Variants in ZFYVE16 observed in about 807,000 individuals in gnomAD.
The protein encoded by ZFYVE16 is zinc finger FYVE-type containing 16, also known as zinc finger FYVE domain-containing protein 16.
In ZFYVE16, 89 loss-of-function variants were observed where a neutral mutation model predicts 138.1. The ratio of observed to expected loss-of-function variants is 0.64; its 90% CI spans 0.54 to 0.77. The LOEUF (loss-of-function observed/expected upper bound fraction) is 0.77, where lower values mean the gene tolerates loss of function less well. ZFYVE16 is among the 30% of genes least tolerant of loss of function. The pLI is 0.00. For synonymous variants in ZFYVE16, 596 were observed against 618.3 expected (o/e 0.96, Z 0.53); for missense variants, 1,793 against 1,786.7 (o/e 1.00, Z -0.06).
chr5:80,426,862 A>G (rs922290200), intron 1 of ZFYVE16, among the ~76,000 whole-genome samples: 1 of 152,080 alleles, frequency 6.6e-6, no homozygotes, highest in East Asian at 1.9e-4. Context: ...GAATCGCTAC[A>G]CTGTCTTTGC....
At chr5:80,470,132 C>T (rs1754217453) in intron 15 of ZFYVE16, among the ~76,000 whole-genome samples, 1 of 116,174 alleles carries the variant, frequency 8.6e-6, no homozygotes, top group African/African-American at 3.2e-5. Flanking sequence ...GACAGAGTCT[C>T]ACCCTTTCAC....
In ZFYVE16 at chr5:80,456,409, T is replaced by C. The variant is rs1053064566; in HGVS notation, c.3691-52T>C. The C allele has an allele frequency of 1.5e-5, 20 of 1,332,416 alleles. No individual in the cohort carries two copies. In the Admixed American group the frequency reaches 3.9e-4, roughly 26 times the overall value. 82.5% of individuals were successfully genotyped at this position (1,332,416 alleles called of 1,614,324 possible). Reference sequence around the variant, plus strand: ...ATTTCTTAAAGAAGGATTTAATGGATAGAAAAATACTCATGGTTAGTAGTT... The same window carrying C: ...ATTTCTTAAAGAAGGATTTAATGGACAGAAAAATACTCATGGTTAGTAGTT... On this transcript the variant is annotated intron_variant, in intron 12 of 18. Transcript: ENST00000505560.
chr5:80,423,502 A>T (rs978708186), intron 1 of ZFYVE16, among the ~76,000 whole-genome samples: 1 of 151,996 alleles, frequency 6.6e-6, no homozygotes, highest in Non-Finnish European at 1.5e-5. Context: ...TTCCTGTTTT[A>T]AATTCCATTG....
At chr5:80,428,233 G>A (rs1748431299) in intron 2 of ZFYVE16, among the ~76,000 whole-genome samples, 1 of 152,238 alleles carries the variant, frequency 6.6e-6, no homozygotes, top group East Asian at 1.9e-4. Context: ...CAACTCACAT[G>A]GCCGGGTACC....
Position 80,434,119 on chromosome 5 carries a change from A to G in ZFYVE16, c.-29A>G. On this transcript the variant is annotated 5_prime_UTR_variant, in exon 3 of 19. Transcript: ENST00000505560. Reference sequence around the variant, plus strand: ...CTTTCTATTTTTTAGGCATACAAGAATTAAATTCTGAATAAGTCTGCAGGT... The same window carrying G: ...CTTTCTATTTTTTAGGCATACAAGAGTTAAATTCTGAATAAGTCTGCAGGT... 1.2e-6 allele frequency: 2 copies of G among 1,602,350 alleles called. No homozygotes were observed. The highest frequency in any genetic ancestry group is 1.7e-6 in the Non-Finnish European group (2 of 1,172,598).
intron 5 of ZFYVE16, chr5:80,441,102 G>A: frequency 2.0e-6 from 2 of 985,358 alleles, no homozygotes; most frequent in South Asian, 4.7e-5. Flanking sequence ...TGCTGTTTCA[G>A]TAGCCTAGAA....
chr5:80,438,703 C>A lies in ZFYVE16; in HGVS notation c.2018C>A (p.Thr673Lys). 6.2e-7 allele frequency: 1 copy of A among 1,614,116 alleles called. No individual in the cohort carries two copies. The highest frequency in any genetic ancestry group is 2.2e-5 in the East Asian group (1 of 44,874). The part of the protein sequence containing the change: ...KDLNKPDVPD[T>K]IESEPSTADT... ...CTGAATAAGCCAGATGTTCCAGATA[C>A]AATAGAAAGTGAACCCAGCACAGCA... Residue 673 changes from threonine to lysine, a missense_variant, in exon 4 of 19, where the codon ACA becomes AAA. Around this residue, in one of 2 missense-constraint regions of ZFYVE16, gnomAD observed 1,295 missense variants for 1,204.3 expected, o/e 1.08. Transcript: ENST00000505560.
Position 80,433,331 on chromosome 5 carries a change from G to A in ZFYVE16, c.-39-778G>A, listed in dbSNP as rs192944603. 3.8e-3 allele frequency among the ~76,000 whole-genome samples: 576 copies of A among 152,252 alleles called. 1 individual carries two copies. The highest frequency in any genetic ancestry group is 0.013 in the African/African-American group (528 of 41,546). The stretch of plus-strand genomic sequence containing the variant: ...AAACCATCATTCTCAGCCAACTATC[G>A]CAAGGACGAAAAACCAAACACCGCA... On this transcript the variant is annotated intron_variant, in intron 2 of 18. Transcript: ENST00000505560.
chr5:80,465,406 T>TTTTTTG (rs1753624220), intron 15 of ZFYVE16, among the ~76,000 whole-genome samples: 1 of 107,292 alleles, frequency 9.3e-6, no homozygotes, highest in African/African-American at 3.4e-5. Context: ...CTTTGTTTTT[T>TTTTTTG]TTTTTTTTTT....
At chr5:80,419,123 G>A (rs1746699979) in intron 1 of ZFYVE16, among the ~76,000 whole-genome samples, 1 of 151,216 alleles carries the variant, frequency 6.6e-6, no homozygotes, top group Non-Finnish European at 1.5e-5. Flanking sequence ...TGTTGCCCAG[G>A]CTACAGTGCA....
At position 80,438,086 on chromosome 5, in the gene ZFYVE16, T is replaced by G. The variant is rs200568061; in HGVS notation, c.1401T>G (p.Ser467=). 13 of 1,613,982 alleles carry G rather than the reference T, an allele frequency of 8.1e-6. No individual in the cohort carries two copies. In the East Asian group the frequency reaches 2.9e-4, roughly 36 times the overall value. Residue 467 remains serine, a synonymous_variant, in exon 4 of 19, where the codon TCT becomes TCG. Transcript: ENST00000505560. ...ACCAGACAGTAATCAGAGCTGAGTC[T>G]TTGGATGGTGGTGACACCAGTTCTA... ...DPDQTVIRAE[S]LDGGDTSSTV... is the part of the protein sequence containing the mutation.
chr5:80,437,836 T>C lies in ZFYVE16; in HGVS notation c.1151T>C (p.Met384Thr). The C allele has an allele frequency of 6.2e-7, 1 of 1,614,080 alleles. No individual in the cohort carries two copies. The highest frequency in any genetic ancestry group is 8.5e-7 in the Non-Finnish European group (1 of 1,179,956). The change falls in exon 4 of 19, where the codon ATG (methionine) becomes ACG (threonine). Residue 384 changes from methionine (M) to threonine (T), a missense_variant. Transcript: ENST00000505560. ...TCCTGTCTTCCTGCGTCTGGGTCTA[T>C]GTGTGGATCATTAATTGAAAGTAAA... is the stretch of plus-strand genomic sequence containing the variant. ...SLSCLPASGSMCGSLIESKAR... is the reference protein window; with the variant it reads ...SLSCLPASGSTCGSLIESKAR...
chr5:80,471,224 C>A (rs1754341734), intron 15 of ZFYVE16, among the ~76,000 whole-genome samples: 1 of 152,122 alleles, frequency 6.6e-6, no homozygotes, highest in South Asian at 2.1e-4. Flanking sequence ...GGCATACTCC[C>A]TTCTGAGAAT....
intron 3 of ZFYVE16, among the ~76,000 whole-genome samples, chr5:80,435,423 C>G (rs1378312282): frequency 6.6e-6 from 1 of 152,232 alleles, no homozygotes; most frequent in Non-Finnish European, 1.5e-5. Context: ...CCTGTCTCAG[C>G]CTCCCAAAGT....
At chr5:80,430,848 A>G (rs1300028326) in intron 2 of ZFYVE16, among the ~76,000 whole-genome samples, 1 of 152,266 alleles carries the variant, frequency 6.6e-6, no homozygotes, top group Non-Finnish European at 1.5e-5. Flanking sequence ...GAAGAAATGG[A>G]TAAATTGCTG....
In ZFYVE16 at chr5:80,440,169, C is replaced by A. The variant is rs754054432; in HGVS notation, c.2419+137C>A. The A allele has an allele frequency of 7.2e-4, 928 of 1,281,898 alleles. 1 individual carries two copies. Among genetic ancestry groups the A allele is most frequent in the Non-Finnish European group, 8.5e-4 (864 of 1,012,606 alleles). 79.4% of individuals were successfully genotyped at this position (1,281,898 alleles called of 1,614,324 possible). A position where few individuals can be genotyped will look rare whatever the true frequency, so the allele number is the denominator to read the frequency against. On this transcript the variant is annotated intron_variant, in intron 5 of 18. Coordinates refer to ENST00000505560, the MANE Select transcript of ZFYVE16 (RefSeq NM_001284236.3). ...AATTATCTGGCTTAGGTGGGACATC[C>A]CAAGGCTTGGTTTCTCTTCTTTTTG...
chr5:80,439,155 A>C, intron 4 of ZFYVE16, 148 bp downstream of exon 4: 1 of 872,722 alleles, frequency 1.1e-6, no homozygotes, highest in Middle Eastern at 3.4e-4. Context: ...GGAAATATAT[A>C]AAGCAGTGTC....
chr5:80,408,512 G>A (rs1227521531), intron 1 of ZFYVE16, among the ~76,000 whole-genome samples: 1 of 152,362 alleles, frequency 6.6e-6, no homozygotes, highest in Admixed American at 6.5e-5. Context: ...CCGCCGTCCC[G>A]CCTGGGGAGG....
intron 18 of ZFYVE16, among the ~76,000 whole-genome samples, chr5:80,476,991 A>G (rs915312093): frequency 6.6e-6 from 1 of 152,200 alleles, no homozygotes; most frequent in African/African-American, 2.4e-5. Context: ...AACGTAAAGT[A>G]TGACATAGTG....
Sources: gnomAD v4.1 joint callset for allele counts (sites outside exome capture counted in the v4.1 genomes callset) on GRCh38, gnomAD v4.1.1 for gene constraint, gnomAD v4.1.1 regional missense constraint, MANE v1.5 for transcripts, NCBI Gene and HGNC (gene_info 2026-07-23, HGNC 2026-07-21) for gene names.